The following PTPRD variants were observed in gnomAD, a reference collection of about 807,000 sequenced individuals.
The protein encoded by PTPRD is receptor-type tyrosine-protein phosphatase delta.
A neutral mutation model predicts 214.5 loss-of-function variants in PTPRD; 34 were observed. The observed-to-expected ratio is 0.16, with a 90% CI of 0.12 to 0.21. The LOEUF (loss-of-function observed/expected upper bound fraction) is 0.21, where lower values mean the gene tolerates loss of function less well. Ranked by LOEUF, PTPRD falls within the 10% of genes least tolerant of loss-of-function variation. PTPRD has a pLI of 1.00. For synonymous variants in PTPRD, 1,128 were observed against 845.7 expected (o/e 1.33, Z -5.79); for missense variants, 2,545 against 2,398.7 (o/e 1.06, Z -1.27).
At chr9:8,544,212 T>A (rs2079262909) in intron 14 of PTPRD, among the ~76,000 whole-genome samples, 1 of 142,554 alleles carries the variant, frequency 7.0e-6, no homozygotes, top group East Asian at 2.1e-4. Context: ...TTTTGCCCAG[T>A]CTGGAGGGCA....
At chr9:9,293,208 A>G (rs1406453803) in intron 9 of PTPRD, among the ~76,000 whole-genome samples, 1 of 151,524 alleles carries the variant, frequency 6.6e-6, no homozygotes, top group East Asian at 2.0e-4. Context: ...CTCATTCCTC[A>G]ATTCATTTAC....
chr9:9,697,443 T>G (rs185098700), intron 7 of PTPRD, among the ~76,000 whole-genome samples: 124 of 152,224 alleles, frequency 8.1e-4, no homozygotes, highest in African/African-American at 2.6e-3. Flanking sequence ...ATAGCTTTGT[T>G]GGGTACATAA....
intron 5 of PTPRD, among the ~76,000 whole-genome samples, chr9:9,889,935 G>A (rs28406491): frequency 1.3e-5 from 2 of 151,922 alleles, no homozygotes; most frequent in African/African-American, 2.4e-5. Flanking sequence ...CCTGAAGAAC[G>A]GCAGAGGGTG....
At chr9:9,877,517 C>T (rs1240383801) in intron 5 of PTPRD, among the ~76,000 whole-genome samples, 1 of 152,026 alleles carries the variant, frequency 6.6e-6, no homozygotes, top group Non-Finnish European at 1.5e-5. Flanking sequence ...TTCATGACTC[C>T]TATGATCAAA....
At chr9:10,001,553 T>C (rs937572855) in intron 4 of PTPRD, among the ~76,000 whole-genome samples, 2 of 152,174 alleles carry the variant, frequency 1.3e-5, no homozygotes, top group African/African-American at 4.8e-5. Context: ...AGATTAAAAG[T>C]TGACTTCTCT....
intron 3 of PTPRD, among the ~76,000 whole-genome samples, chr9:10,236,623 T>C (rs1024055903): frequency 1.3e-5 from 2 of 151,884 alleles, no homozygotes; most frequent in Non-Finnish European, 2.9e-5. Context: ...ATTTTCTATA[T>C]GGTGGATCAT....
intron 2 of PTPRD, among the ~76,000 whole-genome samples, chr9:10,558,490 C>T (rs1368562097): frequency 1.3e-5 from 2 of 151,978 alleles, no homozygotes; most frequent in Non-Finnish European, 2.9e-5. Context: ...CTTCTCTGAC[C>T]CCTCTCCAAC....
chr9:8,460,172 G>A, intron 33 of PTPRD: 1 of 531,070 alleles, frequency 1.9e-6, no homozygotes, highest in South Asian at 2.2e-5. Context: ...CAGAAGATTG[G>A]AGGCCAGAAT....
chr9:9,714,089 CA>C (rs5896350), intron 7 of PTPRD, among the ~76,000 whole-genome samples: 75,641 of 126,968 alleles, frequency 0.6, 21,416 homozygotes, highest in Middle Eastern at 0.78. Flanking sequence ...TTCACTTGCG[CA>C]AAAAAAAAAA....
chr9:9,208,809 C>A (rs2099946605), intron 9 of PTPRD, among the ~76,000 whole-genome samples: 1 of 146,918 alleles, frequency 6.8e-6, no homozygotes, highest in African/African-American at 2.5e-5. Flanking sequence ...CAATATAACT[C>A]TTTTTTTTTT....
At chr9:9,127,448 A>G (rs1192211837) in intron 10 of PTPRD, among the ~76,000 whole-genome samples, 1 of 152,214 alleles carries the variant, frequency 6.6e-6, no homozygotes, top group Non-Finnish European at 1.5e-5. Flanking sequence ...TATACTGGGA[A>G]GCTATAACTG....
intron 2 of PTPRD, among the ~76,000 whole-genome samples, chr9:10,450,502 C>G (rs1212480778): frequency 2.0e-5 from 3 of 151,902 alleles, no homozygotes; most frequent in Non-Finnish European, 4.4e-5. Flanking sequence ...TTATTCAAAG[C>G]CTTTCAGAAT....
At chr9:9,807,236 G>GGTT (rs1320305034) in intron 5 of PTPRD, among the ~76,000 whole-genome samples, 42 of 152,254 alleles carry the variant, frequency 2.8e-4, no homozygotes, top group Admixed American at 7.2e-4. Context: ...TGAGCAAGCA[G>GGTT]GTAACAATCT....
intron 2 of PTPRD, among the ~76,000 whole-genome samples, chr9:10,409,116 A>G (rs1015511331): frequency 2.0e-5 from 3 of 151,814 alleles, no homozygotes; most frequent in Non-Finnish European, 4.4e-5. Context: ...ATAAAAACAA[A>G]GAAAAATACG....
At chr9:8,789,383 T>A (rs1327971325) in intron 11 of PTPRD, among the ~76,000 whole-genome samples, 1 of 152,170 alleles carries the variant, frequency 6.6e-6, no homozygotes, top group East Asian at 1.9e-4. Flanking sequence ...ATACATGATA[T>A]GTAAAGCTCA....
intron 14 of PTPRD, among the ~76,000 whole-genome samples, chr9:8,576,560 G>T (rs1351427186): frequency 2.7e-5 from 4 of 145,662 alleles, no homozygotes; most frequent in Non-Finnish European, 4.5e-5. Flanking sequence ...CTTTTTGTGT[G>T]CATATATACA....
At chr9:9,787,974 G>A (rs144142042) in intron 5 of PTPRD, among the ~76,000 whole-genome samples, 3 of 151,384 alleles carry the variant, frequency 2.0e-5, no homozygotes, top group Admixed American at 6.6e-5. Flanking sequence ...GTAAAGACAG[G>A]ATTTTGCCAT....
intron 9 of PTPRD, among the ~76,000 whole-genome samples, chr9:9,358,503 T>C (rs2054728122): frequency 6.6e-6 from 1 of 151,256 alleles, no homozygotes; most frequent in South Asian, 2.1e-4. Context: ...TTTTAAATAA[T>C]AAAAAGCTCA....
At chr9:10,436,408 G>T (rs1212607138) in intron 2 of PTPRD, among the ~76,000 whole-genome samples, 1 of 151,614 alleles carries the variant, frequency 6.6e-6, no homozygotes, top group Non-Finnish European at 1.5e-5. Context: ...ATATCATATT[G>T]TATAAGGCAA....
Sources: gnomAD v4.1 joint callset for allele counts (sites outside exome capture counted in the v4.1 genomes callset) on GRCh38, gnomAD v4.1.1 for gene constraint, MANE v1.5 for transcripts, NCBI Gene and HGNC (gene_info 2026-07-23, HGNC 2026-07-21) for gene names.